Variants in NLGN4X observed in about 807,000 individuals in gnomAD.
NLGN4X encodes the protein neuroligin 4 X-linked.
In NLGN4X, 3 loss-of-function variants were observed where a neutral mutation model predicts 40.3. The ratio of observed to expected loss-of-function variants is 0.07; its 90% CI spans 0.03 to 0.19. The LOEUF is 0.19. Among genes scored for constraint, NLGN4X ranks in the 10% least tolerant of loss-of-function variants. The pLI is 1.00. For missense variants in NLGN4X, 382 were observed against 708.3 expected (o/e 0.54, Z 5.23); for synonymous variants, 270 against 306.8 (o/e 0.88, Z 1.25).
At chrX:6,192,940 C>A (rs766019840) in intron 1 of NLGN4X, among the ~76,000 whole-genome samples, 13 of 111,777 alleles carry the variant, frequency 1.2e-4, no homozygotes, top group Admixed American at 1.0e-3. Context: ...GCCTCCCATA[C>A]AACCCTCTGG....
At chrX:5,900,589 T>A (rs1391874078) in intron 5 of NLGN4X, among the ~76,000 whole-genome samples, 119 of 26,635 alleles carry the variant, frequency 4.5e-3, no homozygotes, top group Non-Finnish European at 5.8e-3. Context: ...TTTTTTTTTT[T>A]AAAGATAAAG....
intron 2 of NLGN4X, among the ~76,000 whole-genome samples, chrX:6,108,160 C>G (rs1192801053): frequency 1.8e-5 from 2 of 111,787 alleles, no homozygotes; most frequent in Non-Finnish European, 3.8e-5. Flanking sequence ...TTACTGCCAA[C>G]AAAATAAAGA....
intron 2 of NLGN4X, among the ~76,000 whole-genome samples, chrX:6,069,533 A>T (rs2038008296): frequency 8.9e-6 from 1 of 112,264 alleles, no homozygotes; most frequent in South Asian, 3.7e-4. Flanking sequence ...AAAATATGTA[A>T]TGATCTAATA....
At chrX:5,988,021 G>T (rs1019297973) in intron 3 of NLGN4X, among the ~76,000 whole-genome samples, 4 of 111,971 alleles carry the variant, frequency 3.6e-5, no homozygotes, top group African/African-American at 1.3e-4. Flanking sequence ...AGGCTGCGGT[G>T]AGCCATGGTC....
chrX:6,196,081 G>C (rs1297163342), intron 1 of NLGN4X, among the ~76,000 whole-genome samples: 1 of 111,481 alleles, frequency 9.0e-6, no homozygotes, highest in Non-Finnish European at 1.9e-5. Context: ...ATAGTCATGA[G>C]CCACCACCCC....
intron 1 of NLGN4X, among the ~76,000 whole-genome samples, chrX:6,188,410 G>T (rs1254105708): frequency 8.9e-6 from 1 of 111,733 alleles, no homozygotes; most frequent in African/African-American, 3.3e-5. Flanking sequence ...CTAAGTGGAA[G>T]GAGCATATCA....
intron 3 of NLGN4X, among the ~76,000 whole-genome samples, chrX:6,010,217 G>A (rs2036210071): frequency 9.0e-6 from 1 of 110,736 alleles, no homozygotes; most frequent in African/African-American, 3.3e-5. Flanking sequence ...GTACCATTCT[G>A]CTGACTGCTG....
intron 1 of NLGN4X, among the ~76,000 whole-genome samples, chrX:6,209,802 G>C (rs960976410): frequency 8.9e-6 from 1 of 111,912 alleles, no homozygotes; most frequent in African/African-American, 3.2e-5. Flanking sequence ...AAGAATGATA[G>C]CCAACTATCT....
chrX:6,021,906 C>T (rs887292423), intron 3 of NLGN4X, among the ~76,000 whole-genome samples: 1 of 111,004 alleles, frequency 9.0e-6, no homozygotes, highest in African/African-American at 3.3e-5. Flanking sequence ...ACATCTGCCA[C>T]CCAGCCCACA....
At position 6,094,651 on chromosome X, in the gene NLGN4X, G is replaced by C. The variant is rs771413835; in HGVS notation, c.472+56344C>G. Among the ~76,000 whole-genome samples, 12 of 111,344 alleles carry C rather than the reference G, an allele frequency of 1.1e-4. No homozygotes were observed. In the South Asian group the frequency reaches 4.6e-3, roughly 43 times the overall value. ...TCACATTTCTGTTATGGGGTGGGGG[G>C]ATACTAGACAGGGTATGCATTGCAT... On this transcript the variant is annotated intron_variant, in intron 2 of 5. Transcript: ENST00000381095.
At chrX:6,006,273 AC>A (rs2036100699) in intron 3 of NLGN4X, among the ~76,000 whole-genome samples, 1 of 110,887 alleles carries the variant, frequency 9.0e-6, no homozygotes, top group Non-Finnish European at 1.9e-5. Context: ...AAATAGGAAA[AC>A]CTGTCACCTT....
chrX:6,163,751 G>T (rs1215233787), intron 1 of NLGN4X, among the ~76,000 whole-genome samples: 1 of 112,314 alleles, frequency 8.9e-6, no homozygotes, highest in Non-Finnish European at 1.9e-5. Flanking sequence ...GAGTGGGGAA[G>T]ATGATACCAC....
chrX:6,113,555 A>G (rs2039201410), intron 2 of NLGN4X, among the ~76,000 whole-genome samples: 1 of 110,764 alleles, frequency 9.0e-6, no homozygotes, highest in Non-Finnish European at 1.9e-5. Context: ...ACAAGAAACT[A>G]AAAACTTACA....
chrX:6,159,261 G>A (rs941076909), intron 1 of NLGN4X, among the ~76,000 whole-genome samples: 3 of 111,567 alleles, frequency 2.7e-5, no homozygotes, highest in Admixed American at 1.9e-4. Context: ...GTAGGAGAGA[G>A]GGAAGCAACT....
chrX:6,099,621 G>A (rs1272488783), intron 2 of NLGN4X, among the ~76,000 whole-genome samples: 2 of 111,771 alleles, frequency 1.8e-5, no homozygotes, highest in African/African-American at 6.5e-5. Context: ...AATAATACCT[G>A]GTACACAGCA....
intron 3 of NLGN4X, among the ~76,000 whole-genome samples, chrX:5,931,203 TACTC>T (rs1445050012): frequency 8.9e-6 from 1 of 111,960 alleles, no homozygotes; most frequent in Non-Finnish European, 1.9e-5. Flanking sequence ...CAATAAAAAA[TACTC>T]AAAGAAGTTC....
intron 3 of NLGN4X, among the ~76,000 whole-genome samples, chrX:5,919,097 C>G (rs2032925827): frequency 8.9e-6 from 1 of 111,982 alleles, no homozygotes; most frequent in Non-Finnish European, 1.9e-5. Flanking sequence ...GATCACATAC[C>G]AGAGTAGCTA....
chrX:5,965,824 A>G (rs2034816731), intron 3 of NLGN4X, among the ~76,000 whole-genome samples: 1 of 112,120 alleles, frequency 8.9e-6, no homozygotes, highest in Non-Finnish European at 1.9e-5. Flanking sequence ...CACTGACCTC[A>G]CTGGGCAACA....
intron 1 of NLGN4X, among the ~76,000 whole-genome samples, chrX:6,183,714 C>T: frequency 8.9e-6 from 1 of 111,756 alleles, no homozygotes; most frequent in Non-Finnish European, 1.9e-5. Flanking sequence ...TTCCTAAAAT[C>T]GGTAATTTTT....
Sources: gnomAD v4.1 joint callset for allele counts (sites outside exome capture counted in the v4.1 genomes callset) on GRCh38, gnomAD v4.1.1 for gene constraint, MANE v1.5 for transcripts, NCBI Gene and HGNC (gene_info 2026-07-23, HGNC 2026-07-21) for gene names.